The following DOCK3 variants were observed in gnomAD, a reference collection of about 807,000 sequenced individuals.
The protein encoded by DOCK3 is dedicator of cytokinesis protein 3.
In DOCK3, 60 loss-of-function variants were observed where a neutral mutation model predicts 265.6. The observed-to-expected ratio is 0.23, with a 90% CI of 0.18 to 0.28. The LOEUF (loss-of-function observed/expected upper bound fraction) is 0.28. Ranked by LOEUF, DOCK3 falls within the 10% of genes least tolerant of loss-of-function variation. The probability of loss-of-function intolerance (pLI) is 1.00; values close to 1 mark genes in which losing one functional copy is unlikely to be tolerated. For missense variants in DOCK3, 1,981 were observed against 2,594.3 expected, an observed-to-expected ratio of 0.76 and a Z score of 5.14; for synonymous variants, 881 against 938.0, an observed-to-expected ratio of 0.94 and a Z score of 1.11.
chr3:50,728,204 G>A (rs2037954412), intron 1 of DOCK3, among the ~76,000 whole-genome samples: 1 of 152,098 alleles, frequency 6.6e-6, no homozygotes, highest in Admixed American at 6.6e-5. Context: ...AATCACAGAG[G>A]AAATTAGAAA....
At chr3:50,789,754 C>G (rs528137840) in intron 2 of DOCK3, among the ~76,000 whole-genome samples, 1 of 152,250 alleles carries the variant, frequency 6.6e-6, no homozygotes, top group East Asian at 1.9e-4. Flanking sequence ...AAGACAGTCT[C>G]TCTGTCTGTC....
intron 1 of DOCK3, among the ~76,000 whole-genome samples, chr3:50,749,633 G>A (rs1189190289): frequency 1.3e-5 from 2 of 151,934 alleles, no homozygotes; most frequent in African/African-American, 4.8e-5. Context: ...GATTAAGCAT[G>A]TCTCACAGAA....
At chr3:51,103,227 A>T (rs2083152167) in intron 9 of DOCK3, among the ~76,000 whole-genome samples, 1 of 152,216 alleles carries the variant, frequency 6.6e-6, no homozygotes, top group South Asian at 2.1e-4. Flanking sequence ...TAGCAGATGT[A>T]CTAAACCAAT....
intron 46 of DOCK3, among the ~76,000 whole-genome samples, chr3:51,358,288 T>C (rs1476365591): frequency 1.3e-5 from 2 of 151,992 alleles, no homozygotes; most frequent in Non-Finnish European, 2.9e-5. Context: ...ACTCACTCAC[T>C]CCCAAAGGAG....
At chr3:51,025,795 G>C (rs1158394056) in intron 5 of DOCK3, among the ~76,000 whole-genome samples, 1 of 152,154 alleles carries the variant, frequency 6.6e-6, no homozygotes, top group Non-Finnish European at 1.5e-5. Context: ...CCTTCCCACT[G>C]TTGCTTCTAC....
At chr3:51,243,034 G>A (rs1045825722) in intron 21 of DOCK3, among the ~76,000 whole-genome samples, 1 of 152,148 alleles carries the variant, frequency 6.6e-6, no homozygotes, top group Non-Finnish European at 1.5e-5. Flanking sequence ...AAGCAGGTAT[G>A]GCCAGACTTG....
At chr3:50,978,023 G>A (rs2077531848) in intron 5 of DOCK3, among the ~76,000 whole-genome samples, 1 of 151,952 alleles carries the variant, frequency 6.6e-6, no homozygotes, top group Non-Finnish European at 1.5e-5. Context: ...CTCTGTATTG[G>A]TTATTCTAGT....
intron 5 of DOCK3, among the ~76,000 whole-genome samples, chr3:51,044,280 A>T (rs2080665141): frequency 6.6e-6 from 1 of 152,166 alleles, no homozygotes; most frequent in Non-Finnish European, 1.5e-5. Flanking sequence ...CTTTGTAGGG[A>T]CATGGATGGA....
intron 1 of DOCK3, among the ~76,000 whole-genome samples, chr3:50,721,957 C>T (rs2037501557): frequency 6.6e-6 from 1 of 152,132 alleles, no homozygotes; most frequent in Non-Finnish European, 1.5e-5. Flanking sequence ...AGTGAGTTTA[C>T]ATCCACCTGG....
intron 2 of DOCK3, among the ~76,000 whole-genome samples, chr3:50,804,070 G>A (rs2043243481): frequency 6.6e-6 from 1 of 151,750 alleles, no homozygotes; most frequent in African/African-American, 2.4e-5. Flanking sequence ...CGGGGTCGCG[G>A]CCGGGCAGAG....
At chr3:51,320,192 T>C (rs2083612299) in intron 32 of DOCK3, among the ~76,000 whole-genome samples, 1 of 152,098 alleles carries the variant, frequency 6.6e-6, no homozygotes, top group Admixed American at 6.5e-5. Flanking sequence ...GGGTGGGGCA[T>C]CACCTCTCCC....
At chr3:51,100,732 T>A (rs986219904) in intron 9 of DOCK3, among the ~76,000 whole-genome samples, 22 of 152,028 alleles carry the variant, frequency 1.4e-4, no homozygotes, top group African/African-American at 5.1e-4. Context: ...CAGGATAAAA[T>A]CCAAAGTTAT....
intron 9 of DOCK3, among the ~76,000 whole-genome samples, chr3:51,122,585 G>A (rs1686300158): frequency 6.6e-6 from 1 of 152,200 alleles, no homozygotes; most frequent in African/African-American, 2.4e-5. Flanking sequence ...TACTTCCATT[G>A]AGAAATGTGT....
intron 24 of DOCK3, among the ~76,000 whole-genome samples, chr3:51,271,540 T>C (rs920373892): frequency 4.6e-5 from 7 of 152,018 alleles, no homozygotes; most frequent in Non-Finnish European, 7.4e-5. Flanking sequence ...GAGCCTGCTA[T>C]ACCCTCAGGA....
intron 2 of DOCK3, among the ~76,000 whole-genome samples, chr3:50,816,323 CTT>C (rs68016163): frequency 2.0e-3 from 178 of 88,712 alleles, no homozygotes; most frequent in African/African-American, 3.2e-3. Context: ...TCTTGTAACT[CTT>C]TTTTTTTTTT....
At chr3:51,253,417 T>G (rs1023341037) in intron 22 of DOCK3, among the ~76,000 whole-genome samples, 1 of 152,228 alleles carries the variant, frequency 6.6e-6, no homozygotes, top group Non-Finnish European at 1.5e-5. Flanking sequence ...TTCTATTGAT[T>G]GGAATAGTTT....
intron 5 of DOCK3, among the ~76,000 whole-genome samples, chr3:50,955,221 T>A (rs1053737399): frequency 2.0e-5 from 3 of 152,184 alleles, no homozygotes; most frequent in African/African-American, 7.2e-5. Flanking sequence ...ACAGAACACT[T>A]ACACACTGTT....
intron 12 of DOCK3, among the ~76,000 whole-genome samples, chr3:51,208,218 G>C (rs1300866416): frequency 2.0e-5 from 3 of 152,210 alleles, no homozygotes; most frequent in Non-Finnish European, 4.4e-5. Context: ...GACCACAGAA[G>C]ACTTCATGGT....
At position 50,696,399 on chromosome 3, in the gene DOCK3, C is replaced by T. The variant is rs953040343; in HGVS notation, c.37+21099C>T. 3.9e-5 allele frequency among the ~76,000 whole-genome samples: 6 copies of T among 152,232 alleles called. 1 individual carries two copies. Among genetic ancestry groups the T allele is most frequent in the Admixed American group, 3.3e-4 (5 of 15,284 alleles). ...GGAGATAAGACTACCTGATGCACAT[C>T]GAGTTCACAAAGGTATTGTAAATGT... is the stretch of plus-strand genomic sequence containing the variant. On this transcript the variant is annotated intron_variant, in intron 1 of 52. Coordinates refer to ENST00000266037, the MANE Select transcript of DOCK3 (RefSeq NM_004947.5).
Sources: allele counts gnomAD v4.1 joint callset (sites outside exome capture counted in the v4.1 genomes callset), GRCh38; gene constraint gnomAD v4.1.1; transcripts MANE v1.5; gene names NCBI Gene and HGNC (gene_info 2026-07-23, HGNC 2026-07-21).